Variants in LRIT3 observed in about 807,000 individuals in gnomAD.
LRIT3 encodes the protein leucine rich repeat, Ig-like and transmembrane domains 3.
A neutral mutation model predicts 22.6 loss-of-function variants in LRIT3; 14 were observed. The observed-to-expected ratio is 0.62, with a 90% CI of 0.41 to 0.97. LRIT3 has a LOEUF of 0.97. LRIT3 is among the 50% of genes least tolerant of loss of function. The pLI, the probability that LRIT3 is intolerant of heterozygous loss-of-function variation, is 0.00. For synonymous variants in LRIT3, 306 were observed against 304.5 expected (o/e 1.01, Z -0.05); for missense variants, 783 against 803.0 (o/e 0.98, Z 0.30).
intron 2 of LRIT3, among the ~76,000 whole-genome samples, chr4:109,855,675 G>T (rs1222639742): frequency 7.2e-5 from 11 of 152,118 alleles, no homozygotes; most frequent in African/African-American, 1.9e-4. Flanking sequence ...TTGTGGGCAT[G>T]TAGTGCTATA....
intron 1 of LRIT3, 67 bp downstream of exon 1, chr4:109,848,384 C>T: frequency 2.3e-6 from 2 of 886,156 alleles, no homozygotes; most frequent in Non-Finnish European, 3.0e-6. Context: ...ACAAGAAAGC[C>T]TACTTTTGAA....
chr4:109,858,025 G>A (rs185434636), intron 2 of LRIT3, among the ~76,000 whole-genome samples: 142 of 152,270 alleles, frequency 9.3e-4, no homozygotes, highest in African/African-American at 3.3e-3. Context: ...ACATCCATTA[G>A]TGGGTCTCAG....
intron 2 of LRIT3, among the ~76,000 whole-genome samples, chr4:109,863,237 G>A (rs900552906): frequency 6.6e-6 from 1 of 152,170 alleles, no homozygotes; most frequent in African/African-American, 2.4e-5. Context: ...TAACATGGCG[G>A]TTAAGAGCTT....
chr4:109,866,743 C>T (rs552152742), intron 2 of LRIT3, among the ~76,000 whole-genome samples: 2 of 152,258 alleles, frequency 1.3e-5, no homozygotes, highest in South Asian at 4.2e-4. Flanking sequence ...CCTCTAGTTT[C>T]CAGCAACATT....
At chr4:109,850,415 CTTCCTTCCTTTCT>C (rs1560588939) in intron 1 of LRIT3, among the ~76,000 whole-genome samples, 183 of 17,692 alleles carry the variant, frequency 0.01, 16 homozygotes, top group African/African-American at 0.027. Context: ...TCCTTCCTTC[CTTCCTTCCTTTCT>C]TTCTTTCTTT....
At chr4:109,853,801 A>G (rs1234185530) in intron 2 of LRIT3, among the ~76,000 whole-genome samples, 2 of 152,248 alleles carry the variant, frequency 1.3e-5, no homozygotes, top group Non-Finnish European at 2.9e-5. Flanking sequence ...AGTTTTCTGC[A>G]TATGGCTAGC....
At chr4:109,861,411 T>G (rs1439611217) in intron 2 of LRIT3, among the ~76,000 whole-genome samples, 1 of 151,880 alleles carries the variant, frequency 6.6e-6, no homozygotes, top group East Asian at 1.9e-4. Context: ...CCAAAGAGAC[T>G]GTATAACATT....
intron 2 of LRIT3, among the ~76,000 whole-genome samples, chr4:109,861,072 A>G (rs532966827): frequency 1.8e-4 from 28 of 152,306 alleles, no homozygotes; most frequent in African/African-American, 6.5e-4. Flanking sequence ...TTGCTGGATT[A>G]TAGAATGGCT....
At chr4:109,860,994 T>C (rs191541452) in intron 2 of LRIT3, among the ~76,000 whole-genome samples, 8 of 152,364 alleles carry the variant, frequency 5.3e-5, no homozygotes, top group African/African-American at 1.9e-4. Context: ...CAATTAACAT[T>C]CTTGTACAAA....
intron 2 of LRIT3, chr4:109,865,096 T>C: frequency 2.1e-6 from 3 of 1,418,818 alleles, no homozygotes; most frequent in Non-Finnish European, 1.8e-6. Flanking sequence ...TTTTAGTCTA[T>C]GATCATTATT....
At chr4:109,850,829 C>G (rs1188771456) in intron 1 of LRIT3, among the ~76,000 whole-genome samples, 2 of 152,040 alleles carry the variant, frequency 1.3e-5, no homozygotes, top group African/African-American at 2.4e-5. Flanking sequence ...TGCCAACAAA[C>G]AAGATCAAAA....
rs1251858611 is a variant in LRIT3, at chr4:109,870,546, T to A, written c.1797T>A (p.Ile599=). 6.2e-7 allele frequency: 1 copy of A among 1,614,168 alleles called. No homozygotes were observed. Among genetic ancestry groups the A allele is most frequent in the Non-Finnish European group, 8.5e-7 (1 of 1,179,992 alleles). ...STACVVILPL[I]CFLLYKVCKL... is the part of the protein sequence containing the mutation. ...CCTGTGTTGTTATCTTACCATTGAT[T>A]TGTTTCTTGTTGTACAAAGTTTGCA... Residue 599 remains isoleucine, a synonymous_variant, in exon 4 of 4, where the codon ATT becomes ATA. Coordinates refer to ENST00000594814, the MANE Select transcript of LRIT3 (RefSeq NM_198506.5).
Position 109,869,832 on chromosome 4 carries a change from T to C in LRIT3, c.1083T>C (p.Thr361=). 6.2e-7 allele frequency: 1 copy of C among 1,614,078 alleles called. No individual in the cohort carries two copies. The highest frequency in any genetic ancestry group is 8.5e-7 in the Non-Finnish European group (1 of 1,179,954). ...TACCACCAGACACTTCTGAAAGAACTGGAGATCATCCTGAGTGGGATGTCC... is the reference window on the plus strand; with the variant it reads ...TACCACCAGACACTTCTGAAAGAACCGGAGATCATCCTGAGTGGGATGTCC... ...TPIPPDTSER[T]GDHPEWDVQP... The change falls in exon 4 of 4, where the codon ACT becomes ACC. Residue 361 remains threonine (T), a synonymous_variant. Coordinates refer to ENST00000594814, the MANE Select transcript of LRIT3 (RefSeq NM_198506.5).
In LRIT3 at chr4:109,860,919, T is replaced by A. The variant is rs576635979; in HGVS notation, c.590-6722T>A. Among the ~76,000 whole-genome samples the A allele has an allele frequency of 2.3e-3, 355 of 152,384 alleles. 2 individuals are homozygous for A. Among genetic ancestry groups the A allele is most frequent in the African/African-American group, 8.1e-3 (337 of 41,598 alleles). ...TCAATTGTATGAATGAAGCAATTGTTCATCCTTTCTCCTGATGTTGGACAC... is the reference window on the plus strand; with the variant it reads ...TCAATTGTATGAATGAAGCAATTGTACATCCTTTCTCCTGATGTTGGACAC... On this transcript the variant is annotated intron_variant, in intron 2 of 3. Coordinates refer to ENST00000594814, the MANE Select transcript of LRIT3 (RefSeq NM_198506.5).
chr4:109,850,397 TCCTTCCTTCCTTCCTTCCTTC>T (rs1734190372), intron 1 of LRIT3, among the ~76,000 whole-genome samples: 2 of 990 alleles, frequency 2.0e-3, no homozygotes, highest in Non-Finnish European at 3.0e-3. Flanking sequence ...CTTCCTTCCT[TCCTTCCTTCCTTCCTTCCTTC>T]CTTCCTTTCT....
At chr4:109,852,543 A>G (rs1430669295) in intron 2 of LRIT3, among the ~76,000 whole-genome samples, 1 of 152,174 alleles carries the variant, frequency 6.6e-6, no homozygotes, top group African/African-American at 2.4e-5. Context: ...AGCTGTGACT[A>G]GTTTTGGAAT....
At chr4:109,866,924 T>C (rs1734695311) in intron 2 of LRIT3, among the ~76,000 whole-genome samples, 1 of 152,182 alleles carries the variant, frequency 6.6e-6, no homozygotes, top group Non-Finnish European at 1.5e-5. Flanking sequence ...CAAGTCACCT[T>C]CATGGTCACC....
Position 109,870,362 on chromosome 4 carries a change from A to C in LRIT3, c.1613A>C (p.Gln538Pro). The change falls in exon 4 of 4, where the codon CAA becomes CCA. Residue 538 changes from glutamine (Q) to proline (P), a missense_variant. By Grantham distance (76) the Gln-to-Pro change is moderately conservative. Coordinates refer to ENST00000594814, the MANE Select transcript of LRIT3 (RefSeq NM_198506.5). ...TTGAATGCAGACTCCAGCAAGAACCAAGTAACCATAGATGGCTTGGAACCC... is the reference window on the plus strand; with the variant it reads ...TTGAATGCAGACTCCAGCAAGAACCCAGTAACCATAGATGGCTTGGAACCC... The part of the protein sequence containing the change: ...LLLNADSSKN[Q>P]VTIDGLEPGG... 1 of 1,614,220 alleles carries C rather than the reference A, an allele frequency of 6.2e-7. No homozygotes were observed. Among genetic ancestry groups the C allele is most frequent in the Non-Finnish European group, 8.5e-7 (1 of 1,180,044 alleles).
intron 2 of LRIT3, chr4:109,865,057 TGTTA>T (rs1734642864): frequency 7.1e-7 from 1 of 1,409,342 alleles, no homozygotes. Flanking sequence ...TGGATTTTAG[TGTTA>T]GTTTGTTGTT....
Sources: gnomAD v4.1 joint callset for allele counts (sites outside exome capture counted in the v4.1 genomes callset) on GRCh38, gnomAD v4.1.1 for gene constraint, MANE v1.5 for transcripts, NCBI Gene and HGNC (gene_info 2026-07-23, HGNC 2026-07-21) for gene names.